The following CADM1 variants were observed in gnomAD, a reference collection of about 807,000 sequenced individuals.
The protein encoded by CADM1 is TSLC-1.
Under a neutral mutation model 53.1 loss-of-function variants are expected in CADM1, and 15 were observed. That is an observed-to-expected ratio of 0.28 (90% CI 0.19 to 0.44). The LOEUF (loss-of-function observed/expected upper bound fraction) is 0.44, where lower values mean the gene tolerates loss of function less well. CADM1 is among the 20% of genes least tolerant of loss of function. The pLI is 1.00. For synonymous variants in CADM1, 281 were observed against 243.0 expected (o/e 1.16, Z -1.45); for missense variants, 434 against 611.3 (o/e 0.71, Z 3.06).
At chr11:115,298,519 C>G (rs1944138352) in intron 1 of CADM1, among the ~76,000 whole-genome samples, 1 of 152,154 alleles carries the variant, frequency 6.6e-6, no homozygotes, top group African/African-American at 2.4e-5. Flanking sequence ...AACTTCTCCT[C>G]CTAGTCACCA....
chr11:115,302,610 G>A (rs542966535), intron 1 of CADM1, among the ~76,000 whole-genome samples: 1 of 152,018 alleles, frequency 6.6e-6, no homozygotes, highest in African/African-American at 2.4e-5. Context: ...CTAAATAAAT[G>A]CTCATTTTCT....
chr11:115,424,933 T>C (rs1307316891), intron 1 of CADM1, among the ~76,000 whole-genome samples: 1 of 152,178 alleles, frequency 6.6e-6, no homozygotes, highest in East Asian at 1.9e-4. Flanking sequence ...CAGTATATAG[T>C]ATAAAATATG....
chr11:115,187,599 CCTGG>C (rs1204429175), intron 10 of CADM1, among the ~76,000 whole-genome samples: 1 of 152,132 alleles, frequency 6.6e-6, no homozygotes, highest in Non-Finnish European at 1.5e-5. Context: ...TGCCACCACG[CCTGG>C]CTAATTTTTG....
At chr11:115,268,757 C>T (rs1943215151) in intron 1 of CADM1, among the ~76,000 whole-genome samples, 1 of 152,180 alleles carries the variant, frequency 6.6e-6, no homozygotes, top group Admixed American at 6.5e-5. Flanking sequence ...AAAGAGAAAA[C>T]CTGTGCTCTC....
intron 1 of CADM1, among the ~76,000 whole-genome samples, chr11:115,278,938 C>T (rs957840571): frequency 1.3e-5 from 2 of 152,044 alleles, no homozygotes; most frequent in Non-Finnish European, 2.9e-5. Context: ...GACTTACTGC[C>T]GAAGATGGGA....
intron 1 of CADM1, among the ~76,000 whole-genome samples, chr11:115,371,740 G>A (rs1322814514): frequency 2.7e-5 from 4 of 150,204 alleles, no homozygotes; most frequent in Non-Finnish European, 5.9e-5. Flanking sequence ...CCGAGTTCAC[G>A]TCATTCTCCT....
chr11:115,439,921 TTC>T (rs1465434344), intron 1 of CADM1, among the ~76,000 whole-genome samples: 1 of 152,236 alleles, frequency 6.6e-6, no homozygotes, highest in Non-Finnish European at 1.5e-5. Flanking sequence ...GCTAATAAAT[TTC>T]TTTTTAAAAT....
chr11:115,184,731 CTA>C (rs1404012438), intron 10 of CADM1, among the ~76,000 whole-genome samples: 1 of 152,192 alleles, frequency 6.6e-6, no homozygotes, highest in Non-Finnish European at 1.5e-5. Flanking sequence ...TTCAAAGGAG[CTA>C]TGTTAAGCTA....
At chr11:115,288,379 C>G (rs563478409) in intron 1 of CADM1, among the ~76,000 whole-genome samples, 291 of 152,042 alleles carry the variant, frequency 1.9e-3, no homozygotes, top group Middle Eastern at 6.8e-3. Context: ...TTGTTACTTG[C>G]AGAATTTTAT....
chr11:115,282,831 A>C (rs911245842), intron 1 of CADM1, among the ~76,000 whole-genome samples: 2 of 152,240 alleles, frequency 1.3e-5, no homozygotes, highest in Non-Finnish European at 2.9e-5. Context: ...AAGAGGTTAT[A>C]AATGGGGACA....
At chr11:115,425,570 TA>T (rs1947869133) in intron 1 of CADM1, among the ~76,000 whole-genome samples, 1 of 152,230 alleles carries the variant, frequency 6.6e-6, no homozygotes, top group Admixed American at 6.5e-5. Flanking sequence ...CTTTGGGCAT[TA>T]AATACTGTTA....
At chr11:115,291,447 T>C (rs1221616988) in intron 1 of CADM1, among the ~76,000 whole-genome samples, 1 of 152,132 alleles carries the variant, frequency 6.6e-6, no homozygotes, top group Non-Finnish European at 1.5e-5. Flanking sequence ...AGCTGCATCT[T>C]TAAAGGTCAC....
intron 1 of CADM1, among the ~76,000 whole-genome samples, chr11:115,448,487 A>T (rs1948500963): frequency 6.6e-6 from 1 of 152,198 alleles, no homozygotes; most frequent in Non-Finnish European, 1.5e-5. Flanking sequence ...TTTCTTGCCA[A>T]GGATATTCCC....
At position 115,173,003 on chromosome 11, in the gene CADM1, C is replaced by T. The variant is rs1938851263; in HGVS notation, c.*3471G>A. 1 of 152,188 alleles carries T rather than the reference C, an allele frequency of 6.6e-6. No homozygotes were observed. The highest frequency in any genetic ancestry group is 1.5e-5 in the Non-Finnish European group (1 of 68,056). 9.4% of individuals were successfully genotyped at this position (152,188 alleles called of 1,614,324 possible). A position where few individuals can be genotyped will look rare whatever the true frequency, so the allele number is the denominator to read the frequency against. On this transcript the variant is annotated 3_prime_UTR_variant, in exon 12 of 12. Transcript: ENST00000331581. ...CACCATGAAGTGTAGTCATTGCTCA[C>T]TTCAGCCTGCAAGGCAAGGACGATG...
At chr11:115,207,017 A>G (rs1940732289) in intron 8 of CADM1, among the ~76,000 whole-genome samples, 1 of 151,740 alleles carries the variant, frequency 6.6e-6, no homozygotes, top group African/African-American at 2.4e-5. Flanking sequence ...ATAACCTTTA[A>G]TCTGTTTGGA....
At chr11:115,226,741 G>A (rs1165409274) in intron 5 of CADM1, among the ~76,000 whole-genome samples, 1 of 152,196 alleles carries the variant, frequency 6.6e-6, no homozygotes, top group East Asian at 1.9e-4. Context: ...AGGGCCCAGT[G>A]ACTGAGTGCT....
At chr11:115,248,667 A>G (rs546550430) in intron 1 of CADM1, among the ~76,000 whole-genome samples, 17 of 152,294 alleles carry the variant, frequency 1.1e-4, no homozygotes, top group Admixed American at 1.1e-3. Context: ...ACTTCTTTTC[A>G]TAGCTGGATA....
chr11:115,310,281 T>C (rs1413451451), intron 1 of CADM1, among the ~76,000 whole-genome samples: 6 of 152,102 alleles, frequency 3.9e-5, no homozygotes, highest in African/African-American at 1.4e-4. Flanking sequence ...TAAATTATAT[T>C]GATGAAAATA....
chr11:115,370,847 A>C (rs1191271475), intron 1 of CADM1, among the ~76,000 whole-genome samples: 1 of 152,218 alleles, frequency 6.6e-6, no homozygotes, highest in Non-Finnish European at 1.5e-5. Context: ...ATGTTACTGC[A>C]ACTCAGCTAT....
Sources: allele counts gnomAD v4.1 joint callset (sites outside exome capture counted in the v4.1 genomes callset), GRCh38; gene constraint gnomAD v4.1.1; transcripts MANE v1.5; gene names NCBI Gene and HGNC (gene_info 2026-07-23, HGNC 2026-07-21).